The following PAPSS2 variants were observed in gnomAD, a reference collection of about 807,000 sequenced individuals.
PAPSS2 encodes 3'-phosphoadenosine 5'-phosphosulfate synthase 2, also known as bifunctional 3'-phosphoadenosine 5'-phosphosulfate synthase 2.
Under a neutral mutation model 66.5 loss-of-function variants are expected in PAPSS2, and 61 were observed. The observed-to-expected ratio is 0.92, with a 90% CI of 0.75 to 1.14. The LOEUF is 1.14. PAPSS2 is among the 50% of genes most tolerant of loss of function. PAPSS2 has a pLI of 0.00. For synonymous variants in PAPSS2, 289 were observed against 287.5 expected, an observed-to-expected ratio of 1.01 and a Z score of -0.05; for missense variants, 708 against 789.6, an observed-to-expected ratio of 0.90 and a Z score of 1.24.
At chr10:87,708,146 A>G (rs959594744) in intron 1 of PAPSS2, among the ~76,000 whole-genome samples, 3 of 152,070 alleles carry the variant, frequency 2.0e-5, no homozygotes, top group African/African-American at 7.2e-5. Flanking sequence ...TACCTTTTTT[A>G]TTCATCAGAC....
chr10:87,713,426 C>T (rs528482713), intron 3 of PAPSS2, 116 bp downstream of exon 3: 180 of 673,378 alleles, frequency 2.7e-4, no homozygotes, highest in Non-Finnish European at 4.1e-4. Context: ...TGTCTCCTTT[C>T]AATTTCCCGA....
Position 87,715,034 on chromosome 10 carries a change from C to G in PAPSS2, c.689C>G (p.Pro230Arg), listed in dbSNP as rs543748195. ...IIKDIHELFV[P>R]ENKLDHVRAE... is the part of the protein sequence containing the mutation. The stretch of plus-strand genomic sequence containing the variant: ...AAAGATATCCACGAACTCTTTGTGC[C>G]GGAAAACAAACTTGACCACGTCCGA... Residue 230 changes from proline (P) to arginine (R), a missense_variant, in exon 6 of 13, where the codon CCG (proline) becomes CGG (arginine). Physicochemically the swap from Pro to Arg is moderately radical, Grantham distance 103. Coordinates refer to ENST00000456849, the MANE Select transcript of PAPSS2 (RefSeq NM_001015880.2). 1.2e-6 allele frequency: 2 copies of G among 1,613,310 alleles called. No individual in the cohort carries two copies. Among genetic ancestry groups the G allele is most frequent in the African/African-American group, 2.7e-5 (2 of 74,898 alleles).
At chr10:87,673,689 C>CTTTTTTTTTTTTTTTTTTT (rs34935261) in intron 1 of PAPSS2, among the ~76,000 whole-genome samples, 1 of 67,424 alleles carries the variant, frequency 1.5e-5, no homozygotes, top group Non-Finnish European at 2.9e-5. Context: ...TTTTGGCTTA[C>CTTTTTTTTTTTTTTTTTTT]TTTTTTTTTT....
intron 7 of PAPSS2, among the ~76,000 whole-genome samples, chr10:87,718,946 T>G (rs1051787559): frequency 6.6e-5 from 10 of 152,164 alleles, no homozygotes; most frequent in African/African-American, 2.4e-4. Context: ...CCTTCCAAGC[T>G]GCAGGACCTG....
chr10:87,745,803 CTG>C, intron 12 of PAPSS2, 27 bp from the exon 13 acceptor site: 2 of 1,613,398 alleles, frequency 1.2e-6, no homozygotes, highest in Non-Finnish European at 1.7e-6. Flanking sequence ...TTTACCTACA[CTG>C]AGTTCTTTGT....
intron 8 of PAPSS2, among the ~76,000 whole-genome samples, chr10:87,725,861 A>T (rs1853652082): frequency 7.2e-6 from 1 of 138,138 alleles, no homozygotes; most frequent in African/African-American, 2.7e-5. Flanking sequence ...ATGTCCAGCT[A>T]ATTTAAAAAA....
At chr10:87,714,632 T>C in intron 4 of PAPSS2, 113 bp from the exon 5 acceptor site, 1 of 780,934 alleles carries the variant, frequency 1.3e-6, no homozygotes, top group Non-Finnish European at 2.3e-6. Context: ...CCTTTTCTGT[T>C]AAAGTGTGAA....
In PAPSS2 at chr10:87,660,012, G is replaced by A; in HGVS notation, c.27+4G>A. 1.2e-6 allele frequency: 2 copies of A among 1,612,474 alleles called. No homozygotes were observed. Among genetic ancestry groups the A allele is most frequent in the Non-Finnish European group, 1.7e-6 (2 of 1,179,398 alleles). ...GGGGATCAAGAAGCAAAAGACGGTAGGCTTCCAGGCGCCGGCTTCCCTCCC... is the reference window on the plus strand; with the variant it reads ...GGGGATCAAGAAGCAAAAGACGGTAAGCTTCCAGGCGCCGGCTTCCCTCCC... On this transcript the variant is annotated splice_donor_region_variant and intron_variant, in intron 1 of 12. Coordinates refer to ENST00000456849, the MANE Select transcript of PAPSS2 (RefSeq NM_001015880.2).
intron 1 of PAPSS2, among the ~76,000 whole-genome samples, chr10:87,693,064 G>A (rs955357570): frequency 6.6e-6 from 1 of 152,270 alleles, no homozygotes; most frequent in East Asian, 1.9e-4. Context: ...CTAGAAAGGC[G>A]TTAATCTGAC....
intron 7 of PAPSS2, among the ~76,000 whole-genome samples, chr10:87,716,530 G>A (rs976602322): frequency 2.0e-5 from 3 of 152,118 alleles, no homozygotes; most frequent in Non-Finnish European, 2.9e-5. Context: ...CAAGACCTTC[G>A]GGGAATGGCT....
intron 1 of PAPSS2, among the ~76,000 whole-genome samples, chr10:87,694,531 G>A (rs1186369370): frequency 6.6e-6 from 1 of 152,180 alleles, no homozygotes; most frequent in East Asian, 1.9e-4. Context: ...CCAGTGGGAA[G>A]AGCTGAATGA....
chr10:87,702,533 G>A (rs958428985), intron 1 of PAPSS2, among the ~76,000 whole-genome samples: 3 of 152,164 alleles, frequency 2.0e-5, no homozygotes, highest in Non-Finnish European at 4.4e-5. Context: ...GCACACTGAG[G>A]AGCGGGAAGA....
chr10:87,674,808 G>A (rs1041930671), intron 1 of PAPSS2, among the ~76,000 whole-genome samples: 9 of 152,070 alleles, frequency 5.9e-5, no homozygotes, highest in South Asian at 2.1e-4. Flanking sequence ...TTTTGTTACC[G>A]TAATTCTTTT....
At chr10:87,728,380 G>T (rs1853685472) in intron 9 of PAPSS2, among the ~76,000 whole-genome samples, 1 of 152,180 alleles carries the variant, frequency 6.6e-6, no homozygotes, top group Non-Finnish European at 1.5e-5. Flanking sequence ...AGACCCAGGA[G>T]ACTCTAAAAA....
At chr10:87,739,295 C>T (rs1168633792) in intron 9 of PAPSS2, among the ~76,000 whole-genome samples, 1 of 152,066 alleles carries the variant, frequency 6.6e-6, no homozygotes, top group African/African-American at 2.4e-5. Flanking sequence ...GTCCTGGTAC[C>T]CTTGTCAAAG....
At chr10:87,685,935 G>A (rs1853082807) in intron 1 of PAPSS2, among the ~76,000 whole-genome samples, 1 of 152,070 alleles carries the variant, frequency 6.6e-6, no homozygotes, top group Non-Finnish European at 1.5e-5. Context: ...ATCTCTCCTG[G>A]ACCATCTTAG....
intron 1 of PAPSS2, among the ~76,000 whole-genome samples, chr10:87,694,383 C>T (rs765299568): frequency 2.0e-5 from 3 of 152,114 alleles, no homozygotes; most frequent in Admixed American, 6.5e-5. Context: ...TCTACACCAC[C>T]CAGGCAAAGT....
At chr10:87,662,182 C>T (rs1852760287) in intron 1 of PAPSS2, among the ~76,000 whole-genome samples, 1 of 152,128 alleles carries the variant, frequency 6.6e-6, no homozygotes, top group African/African-American at 2.4e-5. Context: ...ACAGTTAATT[C>T]ACACAGCAGC....
intron 11 of PAPSS2, among the ~76,000 whole-genome samples, chr10:87,744,669 G>T (rs1853913993): frequency 6.6e-6 from 1 of 152,194 alleles, no homozygotes; most frequent in African/African-American, 2.4e-5. Flanking sequence ...GCAATTTATT[G>T]TGAATAGGGA....
Sources: gnomAD v4.1 joint callset for allele counts (sites outside exome capture counted in the v4.1 genomes callset) on GRCh38, gnomAD v4.1.1 for gene constraint, MANE v1.5 for transcripts, NCBI Gene and HGNC (gene_info 2026-07-23, HGNC 2026-07-21) for gene names.